CNTNAP5: variants seen among roughly 807,000 people sequenced by gnomAD.
CNTNAP5 encodes contactin-associated protein-like 5.
Under a neutral mutation model 150.2 loss-of-function variants are expected in CNTNAP5, and 72 were observed. That is an observed-to-expected ratio of 0.48 (90% CI 0.40 to 0.58). The LOEUF (loss-of-function observed/expected upper bound fraction) is 0.58, where lower values mean the gene tolerates loss of function less well. CNTNAP5 is among the 20% of genes least tolerant of loss of function. The probability of loss-of-function intolerance (pLI) is 0.00; values close to 1 mark genes in which losing one functional copy is unlikely to be tolerated. For synonymous variants in CNTNAP5, 672 were observed against 619.8 expected, an observed-to-expected ratio of 1.08 and a Z score of -1.25; for missense variants, 1,636 against 1,626.2, an observed-to-expected ratio of 1.01 and a Z score of -0.10.
intron 3 of CNTNAP5, among the ~76,000 whole-genome samples, chr2:124,318,105 G>C (rs990345687): frequency 6.6e-6 from 1 of 152,180 alleles, no homozygotes; most frequent in African/African-American, 2.4e-5. Flanking sequence ...GTGGAGGAGA[G>C]GAAAGGAGTT....
At chr2:124,755,653 A>G (rs1278945692) in intron 14 of CNTNAP5, among the ~76,000 whole-genome samples, 1 of 152,150 alleles carries the variant, frequency 6.6e-6, no homozygotes, top group Non-Finnish European at 1.5e-5. Context: ...GTGAACTACA[A>G]ATAAATCCCA....
intron 19 of CNTNAP5, among the ~76,000 whole-genome samples, chr2:124,822,863 C>T (rs562157157): frequency 5.9e-5 from 9 of 152,084 alleles, no homozygotes; most frequent in South Asian, 2.1e-4. Flanking sequence ...AGGATATTGA[C>T]GTAGAGGTAT....
At chr2:124,194,598 A>G (rs1685539362) in intron 1 of CNTNAP5, among the ~76,000 whole-genome samples, 1 of 150,866 alleles carries the variant, frequency 6.6e-6, no homozygotes, top group Non-Finnish European at 1.5e-5. Flanking sequence ...AATCTGTATT[A>G]TTTGGAAAAA....
chr2:124,043,701 C>T (rs997292150), intron 1 of CNTNAP5, among the ~76,000 whole-genome samples: 1 of 151,946 alleles, frequency 6.6e-6, no homozygotes, highest in African/African-American at 2.4e-5. Flanking sequence ...CATAAGGAAT[C>T]CTGGGTGGGA....
intron 9 of CNTNAP5, 124 bp downstream of exon 9, chr2:124,524,576 A>AC: frequency 1.2e-6 from 1 of 855,272 alleles, no homozygotes; most frequent in South Asian, 1.7e-5. Flanking sequence ...AAACACACAC[A>AC]CACATGCACA....
intron 1 of CNTNAP5, among the ~76,000 whole-genome samples, chr2:124,030,063 T>C (rs568132050): frequency 5.3e-5 from 8 of 152,250 alleles, no homozygotes; most frequent in Admixed American, 4.6e-4. Context: ...ATGGTGACCT[T>C]GTAGAGGTTA....
chr2:124,836,449 G>T (rs1046891826), intron 19 of CNTNAP5, among the ~76,000 whole-genome samples: 1 of 152,094 alleles, frequency 6.6e-6, no homozygotes, highest in African/African-American at 2.4e-5. Context: ...CAGTTTTGTA[G>T]ACTGTTTATA....
chr2:124,306,801 C>T (rs1440168661), intron 3 of CNTNAP5, among the ~76,000 whole-genome samples: 1 of 140,388 alleles, frequency 7.1e-6, no homozygotes, highest in East Asian at 2.2e-4. Context: ...AATCTTGGCT[C>T]ACTGCAACCT....
intron 10 of CNTNAP5, among the ~76,000 whole-genome samples, chr2:124,532,051 T>A (rs1695123260): frequency 6.6e-6 from 1 of 152,156 alleles, no homozygotes; most frequent in Non-Finnish European, 1.5e-5. Context: ...GGCTATGTAT[T>A]GTTAAGCTGT....
chr2:124,030,088 T>C (rs1242010575), intron 1 of CNTNAP5, among the ~76,000 whole-genome samples: 1 of 152,156 alleles, frequency 6.6e-6, no homozygotes, highest in Non-Finnish European at 1.5e-5. Context: ...GTTACCCCAA[T>C]GATCTTGCTG....
chr2:124,147,997 G>A (rs961575409), intron 1 of CNTNAP5, among the ~76,000 whole-genome samples: 3 of 152,336 alleles, frequency 2.0e-5, no homozygotes, highest in South Asian at 4.1e-4. Flanking sequence ...CTGTGCAGAA[G>A]GAATGTTTGG....
chr2:124,524,274 C>G (rs769040317), intron 8 of CNTNAP5, 29 bp from the exon 9 acceptor site: 1 of 1,612,992 alleles, frequency 6.2e-7, no homozygotes, highest in South Asian at 1.1e-5. Flanking sequence ...CCCATCATCT[C>G]TATGCTTACT....
intron 5 of CNTNAP5, among the ~76,000 whole-genome samples, chr2:124,441,856 C>CATATATATAT (rs144122316): frequency 6.9e-6 from 1 of 145,422 alleles, no homozygotes; most frequent in African/African-American, 2.5e-5. Context: ...TATCTTTGGG[C>CATATATATAT]ATATATATAT....
At position 124,787,544 on chromosome 2, in the gene CNTNAP5, C is replaced by G. The variant is rs2104629494; in HGVS notation, c.2753-2358C>G. Among the ~76,000 whole-genome samples the G allele has an allele frequency of 2.0e-5, 3 of 152,270 alleles. No homozygotes were observed. In the South Asian group the frequency reaches 6.2e-4, roughly 32 times the overall value. On this transcript the variant is annotated intron_variant, in intron 17 of 23. Coordinates refer to ENST00000682447, the MANE Select transcript of CNTNAP5 (RefSeq NM_001367498.1). Reference sequence around the variant, plus strand: ...GAGATCTATCCCTTAGGATAAATTTCTATGGATGTAGCAAGTGAATGTCAT... The same window carrying G: ...GAGATCTATCCCTTAGGATAAATTTGTATGGATGTAGCAAGTGAATGTCAT...
chr2:124,459,937 G>A (rs765534857), intron 6 of CNTNAP5, among the ~76,000 whole-genome samples: 3 of 152,064 alleles, frequency 2.0e-5, no homozygotes, highest in Non-Finnish European at 2.9e-5. Flanking sequence ...GAATCGAAAT[G>A]ACTCTTTTAT....
At chr2:124,102,977 C>T (rs1330038496) in intron 1 of CNTNAP5, among the ~76,000 whole-genome samples, 1 of 152,102 alleles carries the variant, frequency 6.6e-6, no homozygotes, top group African/African-American at 2.4e-5. Flanking sequence ...TTCAGTCATG[C>T]ACCACATCAC....
At chr2:124,390,606 C>A (rs1346397320) in intron 3 of CNTNAP5, among the ~76,000 whole-genome samples, 2 of 152,320 alleles carry the variant, frequency 1.3e-5, no homozygotes, top group African/African-American at 4.8e-5. Flanking sequence ...GGAAATACTT[C>A]TTTTTCTAGT....
At chr2:124,691,672 C>T (rs776031583) in intron 13 of CNTNAP5, among the ~76,000 whole-genome samples, 12 of 152,042 alleles carry the variant, frequency 7.9e-5, no homozygotes, top group Non-Finnish European at 1.0e-4. Context: ...ACTCAGTCAG[C>T]GTTTCATGGG....
chr2:124,227,193 C>A (rs1686481545), intron 2 of CNTNAP5, among the ~76,000 whole-genome samples: 1 of 152,162 alleles, frequency 6.6e-6, no homozygotes, highest in South Asian at 2.1e-4. Flanking sequence ...GTTCAATACA[C>A]TGAGCCATAT....
Sources: gnomAD v4.1 joint callset for allele counts (sites outside exome capture counted in the v4.1 genomes callset) on GRCh38, gnomAD v4.1.1 for gene constraint, MANE v1.5 for transcripts, NCBI Gene and HGNC (gene_info 2026-07-23, HGNC 2026-07-21) for gene names.